GABRA4: variants seen among roughly 807,000 people sequenced by gnomAD.
GABRA4 encodes gamma-aminobutyric acid receptor subunit alpha-4.
GABRA4 carries 12 observed loss-of-function variants against 49.7 expected under a neutral mutation model. That is an observed-to-expected ratio of 0.24 (90% CI 0.15 to 0.39). GABRA4 has a LOEUF of 0.39. Ranked by LOEUF, GABRA4 falls within the 10% of genes least tolerant of loss-of-function variation. The pLI is 1.00. For synonymous variants in GABRA4, 288 were observed against 240.2 expected (o/e 1.20, Z -1.84); for missense variants, 506 against 686.0 (o/e 0.74, Z 2.93).
rs755560337 is a variant in GABRA4 at position 46,928,743 on chromosome 4, T to G, written c.1147A>C (p.Asn383His). ...TTTGTTCTTTTTCTCATGTTCAAAT[T>G]GGCATTTGTATTCTGAAAAGGTATA... ...PEAPLQNTNANLNMRKRTNAL... is the reference protein window; with the variant it reads ...PEAPLQNTNAHLNMRKRTNAL... The change falls in exon 9 of 9, where the codon AAT becomes CAT. Residue 383 changes from asparagine (N) to histidine (H), a missense_variant. Asn to His is a moderately conservative substitution (Grantham distance 68). Transcript: ENST00000264318. 1.9e-6 allele frequency: 3 copies of G among 1,608,434 alleles called. No homozygotes were observed. The highest frequency in any genetic ancestry group is 1.7e-5 in the Admixed American group (1 of 59,672).
rs1409780227 is a variant in GABRA4, at chr4:46,921,613, C to T, written c.*6612G>A. On this transcript the variant is annotated 3_prime_UTR_variant, in exon 9 of 9. Coordinates refer to ENST00000264318, the MANE Select transcript of GABRA4 (RefSeq NM_000809.4). The stretch of plus-strand genomic sequence containing the variant: ...CTTGATTCCAGTGACATCTGATATA[C>T]AGAAGGTAAAAGCCATGTAGCTCTG... The T allele has an allele frequency of 6.6e-6, 1 of 151,896 alleles. No homozygotes were observed. Among genetic ancestry groups the T allele is most frequent in the Non-Finnish European group, 1.5e-5 (1 of 67,954 alleles). 9.4% of individuals were successfully genotyped at this position (151,896 alleles called of 1,614,324 possible). A position where few individuals can be genotyped will look rare whatever the true frequency, so the allele number is the denominator to read the frequency against.
chr4:46,986,618 C>T (rs183959066), intron 2 of GABRA4, among the ~76,000 whole-genome samples: 4 of 152,100 alleles, frequency 2.6e-5, no homozygotes, highest in Admixed American at 1.3e-4. Context: ...AACTTAATCC[C>T]CTGTAATCTT....
rs138965607 is a variant in GABRA4, at chr4:46,955,890, C to T, written c.1134+9080G>A. On this transcript the variant is annotated intron_variant, in intron 8 of 8. Coordinates refer to ENST00000264318, the MANE Select transcript of GABRA4 (RefSeq NM_000809.4). ...TTAATAGCCTGTCTCTCTTATAAGGCTAAGTTCCTAGATTTTGTCTTTGAA... is the reference window on the plus strand; with the variant it reads ...TTAATAGCCTGTCTCTCTTATAAGGTTAAGTTCCTAGATTTTGTCTTTGAA... Among the ~76,000 whole-genome samples the T allele has an allele frequency of 4.6e-3, 694 of 152,178 alleles. 8 individuals carry two copies. Among genetic ancestry groups the T allele is most frequent in the African/African-American group, 0.016 (673 of 41,544 alleles).
At chr4:46,933,256 G>A (rs1721503816) in intron 8 of GABRA4, among the ~76,000 whole-genome samples, 1 of 152,056 alleles carries the variant, frequency 6.6e-6, no homozygotes, top group Admixed American at 6.6e-5. Context: ...TTGATAAATT[G>A]CATTAAAATG....
chr4:46,931,474 A>G (rs1366266508), intron 8 of GABRA4, among the ~76,000 whole-genome samples: 1 of 152,094 alleles, frequency 6.6e-6, no homozygotes, highest in African/African-American at 2.4e-5. Context: ...ATGTCCTGAA[A>G]TCTTGTGAAT....
At chr4:46,956,235 T>C (rs1292004585) in intron 8 of GABRA4, among the ~76,000 whole-genome samples, 1 of 152,076 alleles carries the variant, frequency 6.6e-6, no homozygotes, top group Non-Finnish European at 1.5e-5. Flanking sequence ...GTCACTAAAC[T>C]CCTGTCATAA....
intron 6 of GABRA4, among the ~76,000 whole-genome samples, chr4:46,972,179 T>TTCATAATTGA (rs1289413251): frequency 6.6e-6 from 1 of 151,576 alleles, no homozygotes; most frequent in African/African-American, 2.4e-5. Context: ...ACTGTATTGT[T>TTCATAATTGA]TCATAATTGA....
chr4:46,937,093 A>C (rs1344388224), intron 8 of GABRA4, among the ~76,000 whole-genome samples: 3 of 152,242 alleles, frequency 2.0e-5, no homozygotes, highest in Non-Finnish European at 2.9e-5. Context: ...GTGAAGTCAC[A>C]AAGGTGGAGC....
intron 8 of GABRA4, among the ~76,000 whole-genome samples, chr4:46,941,323 T>C (rs898325126): frequency 2.0e-5 from 3 of 152,006 alleles, no homozygotes; most frequent in Non-Finnish European, 4.4e-5. Context: ...TAGATTCAAG[T>C]TTTGGACTTC....
At chr4:46,970,709 T>G (rs1478105178) in intron 7 of GABRA4, among the ~76,000 whole-genome samples, 2 of 94,896 alleles carry the variant, frequency 2.1e-5, no homozygotes. Flanking sequence ...GCCATGACTT[T>G]TATTTGTTTT....
At chr4:46,979,696 ACTC>A (rs1723280981) in intron 2 of GABRA4, among the ~76,000 whole-genome samples, 1 of 152,048 alleles carries the variant, frequency 6.6e-6, no homozygotes, top group Admixed American at 6.6e-5. Context: ...AAGTTATTTA[ACTC>A]CTCAATAGTA....
At chr4:46,951,908 C>A (rs1722188181) in intron 8 of GABRA4, among the ~76,000 whole-genome samples, 1 of 151,728 alleles carries the variant, frequency 6.6e-6, no homozygotes, top group African/African-American at 2.4e-5. Context: ...AATAGAGTGC[C>A]CACATGACTA....
intron 6 of GABRA4, among the ~76,000 whole-genome samples, chr4:46,972,445 G>T (rs1673265988): frequency 6.6e-6 from 1 of 150,904 alleles, no homozygotes; most frequent in South Asian, 2.1e-4. Flanking sequence ...CCAATTTTTT[G>T]AGGTATGATT....
intron 6 of GABRA4, among the ~76,000 whole-genome samples, chr4:46,971,443 G>A (rs930461921): frequency 2.0e-5 from 3 of 151,498 alleles, no homozygotes; most frequent in South Asian, 2.1e-4. Flanking sequence ...TCTTTGTTCC[G>A]TGTAATGATT....
intron 1 of GABRA4, 82 bp from the exon 2 acceptor site, chr4:46,993,028 T>C: frequency 9.1e-7 from 1 of 1,096,086 alleles, no homozygotes; most frequent in East Asian, 2.4e-5. Context: ...CAGGTTTGTT[T>C]TCTAGGGAAA....
In GABRA4 at chr4:46,925,987, T is replaced by C. The variant is rs1721215455; in HGVS notation, c.*2238A>G. The C allele has an allele frequency of 6.6e-6, 1 of 151,386 alleles. No individual in the cohort carries two copies. The highest frequency in any genetic ancestry group is 2.1e-4 in the South Asian group (1 of 4,820). The allele number at this position is 151,386 out of a possible 1,614,324, so 9.4% of individuals were successfully genotyped here. A position where few individuals can be genotyped will look rare whatever the true frequency, so the allele number is the denominator to read the frequency against. On this transcript the variant is annotated 3_prime_UTR_variant, in exon 9 of 9. Coordinates refer to ENST00000264318, the MANE Select transcript of GABRA4 (RefSeq NM_000809.4). ...TCTGTAAGATTTGTAGAAGAACACT[T>C]TTTTTTAAAGGAAGCCAATGAATAA...
intron 8 of GABRA4, among the ~76,000 whole-genome samples, chr4:46,964,501 C>G (rs929543533): frequency 6.6e-6 from 1 of 151,758 alleles, no homozygotes; most frequent in Non-Finnish European, 1.5e-5. Flanking sequence ...CATTGCATGC[C>G]TGTATCAAAG....
In GABRA4 at chr4:46,922,025, A is replaced by G. The variant is rs994338839; in HGVS notation, c.*6200T>C. 6 of 152,070 alleles carry G rather than the reference A, an allele frequency of 3.9e-5. No individual in the cohort carries two copies. The highest frequency in any genetic ancestry group is 1.4e-4 in the African/African-American group (6 of 41,410). 9.4% of individuals were successfully genotyped at this position (152,070 alleles called of 1,614,324 possible). ...GTGTAAACAGGCAAGAAAAAGACAAAATCTGTCTTCATACGATTTTACTAT... is the reference window on the plus strand; with the variant it reads ...GTGTAAACAGGCAAGAAAAAGACAAGATCTGTCTTCATACGATTTTACTAT... On this transcript the variant is annotated 3_prime_UTR_variant, in exon 9 of 9. Transcript: ENST00000264318.
At chr4:46,944,482 C>A (rs948794579) in intron 8 of GABRA4, among the ~76,000 whole-genome samples, 1 of 151,990 alleles carries the variant, frequency 6.6e-6, no homozygotes, top group African/African-American at 2.4e-5. Flanking sequence ...TTCTTGAGAA[C>A]ACCTTAAAAA....
Sources: gnomAD v4.1 joint callset for allele counts (sites outside exome capture counted in the v4.1 genomes callset) on GRCh38, gnomAD v4.1.1 for gene constraint, MANE v1.5 for transcripts, NCBI Gene and HGNC (gene_info 2026-07-23, HGNC 2026-07-21) for gene names.